Variants in TMEM223 observed in about 807,000 individuals in gnomAD.
TMEM223 encodes the protein transmembrane protein 223.
Under a neutral mutation model 14.1 loss-of-function variants are expected in TMEM223, and 14 were observed. The observed-to-expected ratio is 0.99, with a 90% CI of 0.66 to 1.55. The LOEUF (loss-of-function observed/expected upper bound fraction) is 1.55, where lower values mean the gene tolerates loss of function less well. Ranked by LOEUF, TMEM223 falls within the 40% of genes most tolerant of loss-of-function variation. The pLI, the probability that TMEM223 is intolerant of heterozygous loss-of-function variation, is 0.00. For missense variants in TMEM223, 346 were observed against 269.9 expected, an observed-to-expected ratio of 1.28 and a Z score of -1.97; for synonymous variants, 145 against 120.5, an observed-to-expected ratio of 1.20 and a Z score of -1.33.
rs1226545934 is a variant in TMEM223 at position 62,790,857 on chromosome 11, C to A, written c.375G>T (p.Val125=). 1 of 1,605,372 alleles carries A rather than the reference C, an allele frequency of 6.2e-7. No individual in the cohort carries two copies. Among genetic ancestry groups the A allele is most frequent in the South Asian group, 1.1e-5 (1 of 89,508 alleles). ...TCACCTGCTGCCCTCCAGCTCGAAG[C>A]ACCACTGAGCGCACAGACCGGAGAG... ...LFSLRSVRSV[V]LRAGGQQVTL... is the part of the protein sequence containing the mutation. Residue 125 remains valine (V), a synonymous_variant, in exon 2 of 2, where the codon GTG becomes GTT. Transcript: ENST00000307366.
Position 62,790,822 on chromosome 11 carries a change from G to C in TMEM223, c.410C>G (p.Thr137Ser). 1 of 1,605,620 alleles carries C rather than the reference G, an allele frequency of 6.2e-7. No homozygotes were observed. Among genetic ancestry groups the C allele is most frequent in the Non-Finnish European group, 8.5e-7 (1 of 1,176,032 alleles). The change falls in exon 2 of 2, where the codon ACT becomes AGT. Residue 137 changes from threonine (T) to serine (S), a missense_variant. Coordinates refer to ENST00000307366, the MANE Select transcript of TMEM223 (RefSeq NM_001080501.3). ...RAGGQQVTLT[T>S]HAPFGLGAHF... ...GGCCCCCAAGCCAAAGGGGGCATGA[G>C]TGGTGAGGGTCACCTGCTGCCCTCC...
chr11:62,772,805 C>CA (rs770586046), intron 2 of TMEM223, among the ~76,000 whole-genome samples: 1,326 of 109,592 alleles, frequency 0.012, 10 homozygotes, highest in Non-Finnish European at 0.018. Flanking sequence ...ACATCATCTC[C>CA]AAAAAAAAAA....
chr11:62,782,796 G>T, downstream of TMEM223: 1 of 1,613,918 alleles, frequency 6.2e-7, no homozygotes, highest in Non-Finnish European at 8.5e-7. Context: ...CTATGGAGCC[G>T]TGGTGGGGCT....
At chr11:62,779,350 A>G (rs2084210225) in intron 1 of TMEM223, among the ~76,000 whole-genome samples, 1 of 152,030 alleles carries the variant, frequency 6.6e-6, no homozygotes, top group Non-Finnish European at 1.5e-5. Flanking sequence ...GCCCGCCAAC[A>G]TACCCGGCTA....
At chr11:62,780,792 C>G (rs1200865422) in intron 1 of TMEM223, among the ~76,000 whole-genome samples, 1 of 149,696 alleles carries the variant, frequency 6.7e-6, no homozygotes, top group Non-Finnish European at 1.5e-5. Flanking sequence ...AGAAAATTAG[C>G]CGGGCTTGGT....
At chr11:62,776,267 G>C in intron 1 of TMEM223, 2 of 1,016,750 alleles carry the variant, frequency 2.0e-6, no homozygotes, top group Non-Finnish European at 3.0e-6. Flanking sequence ...CTAGGCTTCT[G>C]ATCCCTAAGC....
chr11:62,791,969 G>T lies in TMEM223; in HGVS notation c.26C>A (p.Pro9His). 1 of 1,563,590 alleles carries T rather than the reference G, an allele frequency of 6.4e-7. No homozygotes were observed. The highest frequency in any genetic ancestry group is 1.4e-5 in the African/African-American group (1 of 73,856). The change falls in exon 1 of 2, where the codon CCC becomes CAC. Residue 9 changes from proline to histidine, a missense_variant. Physicochemically the swap from Pro to His is moderately conservative, Grantham distance 77. Transcript: ENST00000307366. MAAPWRRWPTGLLAVLRPL... is the reference protein window; with the variant it reads MAAPWRRWHTGLLAVLRPL... The stretch of plus-strand genomic sequence containing the variant: ...CCGCAGCACGGCTAGCAGCCCCGTG[G>T]GCCATCGCCTCCAAGGCGCCGCCAT...
rs145137913 is a variant in TMEM223 at position 62,778,008 on chromosome 11, C to T, written c.315-3343G>A. ...GTGTGGTTACGGATCACAGGAGGCA[C>T]TGCCCATGCGCCCCGCCAGGGAGGG... On this transcript the variant is annotated intron_variant, in intron 1 of 2. Transcript: ENST00000528367. 4 of 1,614,098 alleles carry T rather than the reference C, an allele frequency of 2.5e-6. No individual in the cohort carries two copies. The African/African-American group carries it at 5.3e-5, about 22-fold the overall frequency.
chr11:62,780,201 C>A (rs1282245291), intron 1 of TMEM223, among the ~76,000 whole-genome samples: 1 of 151,406 alleles, frequency 6.6e-6, no homozygotes, highest in Non-Finnish European at 1.5e-5. Flanking sequence ...GCCTGTAATC[C>A]CAGCTACTCG....
At chr11:62,787,319 G>A, downstream of TMEM223, 1 of 1,526,466 alleles carries the variant, frequency 6.6e-7, no homozygotes, top group East Asian at 2.3e-5. Context: ...TTCGTTCCTT[G>A]TAAATAAATC....
chr11:62,783,428 G>A (rs1323346406), downstream of TMEM223, among the ~76,000 whole-genome samples: 1 of 151,412 alleles, frequency 6.6e-6, no homozygotes, highest in Non-Finnish European at 1.5e-5. Context: ...CTTGCAGTGA[G>A]CCGAGATTGC....
At chr11:62,772,908 A>G (rs1272302359) in intron 2 of TMEM223, among the ~76,000 whole-genome samples, 1 of 145,810 alleles carries the variant, frequency 6.9e-6, no homozygotes, top group Non-Finnish European at 1.5e-5. Context: ...GACTGAGTTT[A>G]GCTCTGTCAT....
intron 1 of TMEM223, chr11:62,776,246 A>G: frequency 1.2e-6 from 1 of 842,568 alleles, no homozygotes; most frequent in East Asian, 2.7e-5. Context: ...GTACAGGAGC[A>G]GAGACGGAAT....
intron 1 of TMEM223, 126 bp downstream of exon 1, chr11:62,791,553 A>G: frequency 1.6e-6 from 2 of 1,240,714 alleles, no homozygotes; most frequent in Non-Finnish European, 2.2e-6. Flanking sequence ...AGTGTTTCAC[A>G]TTTCTGTGGG....
At chr11:62,789,458 G>A, downstream of TMEM223, 1 of 1,613,286 alleles carries the variant, frequency 6.2e-7, no homozygotes, top group Non-Finnish European at 8.5e-7. Context: ...CCTGGCTGGG[G>A]CTGACTACCT....
At chr11:62,789,863 G>A (rs537245629), downstream of TMEM223, 17 of 1,606,930 alleles carry the variant, frequency 1.1e-5, no homozygotes, top group Admixed American at 1.4e-4. Context: ...CACTCCTGAC[G>A]ATCCTGTCCC....
downstream of TMEM223, chr11:62,789,125 G>C (rs573014329): frequency 2.5e-6 from 4 of 1,614,184 alleles, no homozygotes; most frequent in Non-Finnish European, 3.4e-6. Flanking sequence ...CTACTTTGTA[G>C]CTGGGGCCTC....
downstream of TMEM223, among the ~76,000 whole-genome samples, chr11:62,784,760 A>T (rs2084257994): frequency 6.6e-6 from 1 of 152,206 alleles, no homozygotes; most frequent in South Asian, 2.1e-4. Flanking sequence ...ATGATACACT[A>T]AACTATGTCA....
chr11:62,786,157 C>T, downstream of TMEM223: 1 of 1,423,006 alleles, frequency 7.0e-7, no homozygotes, highest in Non-Finnish European at 9.6e-7. Context: ...GGATTGAGCC[C>T]TGTCTAGGAT....
Sources: allele counts gnomAD v4.1 joint callset (sites outside exome capture counted in the v4.1 genomes callset), GRCh38; gene constraint gnomAD v4.1.1; transcripts MANE v1.5; gene names NCBI Gene and HGNC (gene_info 2026-07-23, HGNC 2026-07-21).